PCDH17: variants seen among roughly 807,000 people sequenced by gnomAD.
The protein encoded by PCDH17 is protocadherin-17.
Under a neutral mutation model 67.7 loss-of-function variants are expected in PCDH17, and 21 were observed. The ratio of observed to expected loss-of-function variants is 0.31; its 90% CI spans 0.22 to 0.45. PCDH17 has a LOEUF of 0.45. Ranked by LOEUF, PCDH17 falls within the 20% of genes least tolerant of loss-of-function variation. PCDH17 has a pLI of 1.00. For synonymous variants in PCDH17, 701 were observed against 656.7 expected (o/e 1.07, Z -1.03); for missense variants, 1,471 against 1,564.8 (o/e 0.94, Z 1.01).
At chr13:57,688,705 A>G (rs1226060274) in intron 3 of PCDH17, among the ~76,000 whole-genome samples, 1 of 152,084 alleles carries the variant, frequency 6.6e-6, no homozygotes, top group Non-Finnish European at 1.5e-5. Flanking sequence ...AATGAATGTA[A>G]GATCAGGAAT....
At chr13:57,678,685 A>G (rs1405628004) in intron 3 of PCDH17, among the ~76,000 whole-genome samples, 1 of 151,630 alleles carries the variant, frequency 6.6e-6, no homozygotes, top group Non-Finnish European at 1.5e-5. Context: ...AAAATTACCA[A>G]GATACTCTAC....
chr13:57,660,079 G>GA (rs1244246607), intron 1 of PCDH17, among the ~76,000 whole-genome samples: 1 of 151,680 alleles, frequency 6.6e-6, no homozygotes, highest in Non-Finnish European at 1.5e-5. Context: ...TACTAAAGAA[G>GA]AAAAAAGAAA....
intron 3 of PCDH17, among the ~76,000 whole-genome samples, chr13:57,673,688 G>GA (rs960631517): frequency 2.6e-5 from 4 of 151,216 alleles, no homozygotes; most frequent in Non-Finnish European, 3.0e-5. Flanking sequence ...TTTAACACCA[G>GA]AAAAAAAAAT....
intron 3 of PCDH17, among the ~76,000 whole-genome samples, chr13:57,711,169 T>C (rs1955772596): frequency 6.6e-6 from 1 of 151,994 alleles, no homozygotes; most frequent in Non-Finnish European, 1.5e-5. Flanking sequence ...ATGTAAATTT[T>C]TATACATTAT....
chr13:57,677,641 C>T (rs1426969856), intron 3 of PCDH17, among the ~76,000 whole-genome samples: 1 of 151,834 alleles, frequency 6.6e-6, no homozygotes. Context: ...GCCGAAGCTA[C>T]GCAAGAAGAC....
At chr13:57,681,105 G>T (rs1955445456) in intron 3 of PCDH17, among the ~76,000 whole-genome samples, 2 of 151,696 alleles carry the variant, frequency 1.3e-5, no homozygotes, top group South Asian at 4.1e-4. Flanking sequence ...TTTAAGAGAT[G>T]AAAACCTGAG....
intron 3 of PCDH17, among the ~76,000 whole-genome samples, chr13:57,683,349 T>A (rs971596910): frequency 6.6e-6 from 1 of 151,798 alleles, no homozygotes; most frequent in Non-Finnish European, 1.5e-5. Context: ...GCAAAAACAA[T>A]ATGCAGAGGA....
chr13:57,642,161 T>C (rs1300791055), intron 1 of PCDH17, among the ~76,000 whole-genome samples: 1 of 151,772 alleles, frequency 6.6e-6, no homozygotes, highest in Non-Finnish European at 1.5e-5. Flanking sequence ...GATTCTGAAA[T>C]ATATGCTGTC....
chr13:57,723,521 A>C (rs1955888455), intron 3 of PCDH17, among the ~76,000 whole-genome samples: 1 of 152,172 alleles, frequency 6.6e-6, no homozygotes, highest in African/African-American at 2.4e-5. Flanking sequence ...GCACCAATTA[A>C]ATGGCAAATC....
chr13:57,723,164 A>C (rs1955885248), intron 3 of PCDH17, among the ~76,000 whole-genome samples: 1 of 152,190 alleles, frequency 6.6e-6, no homozygotes, highest in Non-Finnish European at 1.5e-5. Flanking sequence ...AAAATGACAA[A>C]ATTAAAATAG....
At chr13:57,674,291 T>A (rs1955360842) in intron 3 of PCDH17, among the ~76,000 whole-genome samples, 1 of 151,966 alleles carries the variant, frequency 6.6e-6, no homozygotes, top group Admixed American at 6.6e-5. Context: ...TTTTTTAGTT[T>A]TATTATAATG....
chr13:57,672,276 A>T (rs1955332319), intron 3 of PCDH17, among the ~76,000 whole-genome samples: 1 of 151,958 alleles, frequency 6.6e-6, no homozygotes, highest in Non-Finnish European at 1.5e-5. Context: ...TTGTTTCTTT[A>T]AGTTAGTATT....
intron 1 of PCDH17, among the ~76,000 whole-genome samples, chr13:57,641,578 AAAAAAAAAAATATAT>A (rs1373975020): frequency 9.4e-5 from 8 of 84,826 alleles, no homozygotes; most frequent in Middle Eastern, 7.8e-3. Context: ...AAAAAAAAAA[AAAAAAAAAAATATAT>A]ATATATATAT....
rs556153449 is a variant in PCDH17, at chr13:57,645,946, T to C, written c.2565+10835T>C. On this transcript the variant is annotated intron_variant, in intron 1 of 3. Transcript: ENST00000377918. ...TTAATTAATTTTTAACCTGGTTTTATTTGTGGAAATGCTCCATAAAGTATA... is the reference window on the plus strand; with the variant it reads ...TTAATTAATTTTTAACCTGGTTTTACTTGTGGAAATGCTCCATAAAGTATA... Among the ~76,000 whole-genome samples, 331 of 151,618 alleles carry C rather than the reference T, an allele frequency of 2.2e-3. 1 individual carries two copies. Among genetic ancestry groups the C allele is most frequent in the African/African-American group, 7.2e-3 (300 of 41,490 alleles).
Position 57,632,557 on chromosome 13 carries a change from C to A in PCDH17, c.11C>A (p.Ser4Tyr), listed in dbSNP as rs1387139641. ...CCTTACAGGTCTGGGATGTACCTTT[C>A]CATCTGTTGCTGCTTTCTTCTATGG... is the stretch of plus-strand genomic sequence containing the variant. MYL[S>Y]ICCCFLLWAP... Residue 4 changes from serine (S) to tyrosine (Y), a missense_variant, in exon 1 of 4, where the codon TCC becomes TAC. Coordinates refer to ENST00000377918, the MANE Select transcript of PCDH17 (RefSeq NM_001040429.3). 1 of 1,613,546 alleles carries A rather than the reference C, an allele frequency of 6.2e-7. No homozygotes were observed. Among genetic ancestry groups the A allele is most frequent in the South Asian group, 1.1e-5 (1 of 91,038 alleles).
intron 1 of PCDH17, among the ~76,000 whole-genome samples, chr13:57,653,029 T>G (rs958903304): frequency 1.3e-5 from 2 of 152,178 alleles, no homozygotes; most frequent in African/African-American, 4.8e-5. Context: ...AATAGGAACC[T>G]GGCAGTAGTT....
At chr13:57,677,858 A>G (rs550412428) in intron 3 of PCDH17, among the ~76,000 whole-genome samples, 1 of 151,926 alleles carries the variant, frequency 6.6e-6, no homozygotes, top group African/African-American at 2.4e-5. Flanking sequence ...CTGATCTCAT[A>G]GAAGTAGAGA....
chr13:57,691,255 A>G (rs1041938724), intron 3 of PCDH17, among the ~76,000 whole-genome samples: 1 of 151,386 alleles, frequency 6.6e-6, no homozygotes, highest in Non-Finnish European at 1.5e-5. Flanking sequence ...TAATTCACTC[A>G]ATACATGACC....
At chr13:57,718,777 A>G (rs1286165619) in intron 3 of PCDH17, among the ~76,000 whole-genome samples, 1 of 151,986 alleles carries the variant, frequency 6.6e-6, no homozygotes, top group Non-Finnish European at 1.5e-5. Flanking sequence ...ATGTTAGAAT[A>G]TATTGGGATA....
Sources: gnomAD v4.1 joint callset for allele counts (sites outside exome capture counted in the v4.1 genomes callset) on GRCh38, gnomAD v4.1.1 for gene constraint, MANE v1.5 for transcripts, NCBI Gene and HGNC (gene_info 2026-07-23, HGNC 2026-07-21) for gene names.